The following DLG2 variants were observed in gnomAD, a reference collection of about 807,000 sequenced individuals.
DLG2 encodes disks large homolog 2.
In DLG2, 45 loss-of-function variants were observed where a neutral mutation model predicts 132.5. That is an observed-to-expected ratio of 0.34 (90% CI 0.27 to 0.44). The LOEUF (loss-of-function observed/expected upper bound fraction) is 0.44. DLG2 is among the 20% of genes least tolerant of loss of function. The pLI, the probability that DLG2 is intolerant of heterozygous loss-of-function variation, is 1.00. For synonymous variants in DLG2, 424 were observed against 419.6 expected (o/e 1.01, Z -0.13); for missense variants, 1,045 against 1,196.9 (o/e 0.87, Z 1.87).
At chr11:83,796,894 C>T (rs974952917) in intron 17 of DLG2, among the ~76,000 whole-genome samples, 3 of 152,040 alleles carry the variant, frequency 2.0e-5, no homozygotes, top group Non-Finnish European at 2.9e-5. Context: ...AAATGCTGGG[C>T]GGTAAGTGCT....
intron 3 of DLG2, among the ~76,000 whole-genome samples, chr11:85,554,100 C>A (rs979293539): frequency 6.7e-6 from 1 of 150,232 alleles, no homozygotes; most frequent in East Asian, 1.9e-4. Flanking sequence ...GATCTCAACT[C>A]AAGAAGTTTT....
intron 3 of DLG2, among the ~76,000 whole-genome samples, chr11:85,390,828 T>C (rs1057041592): frequency 1.3e-5 from 2 of 151,738 alleles, no homozygotes; most frequent in African/African-American, 4.8e-5. Flanking sequence ...AATGCCTATA[T>C]CAAAAAGTGT....
In DLG2 at chr11:85,175,160, CA is replaced by C. The variant is rs1271142881; in HGVS notation, c.187-20510del. Among the ~76,000 whole-genome samples, 3 of 151,864 alleles carry C rather than the reference CA, an allele frequency of 2.0e-5. No individual in the cohort carries two copies. The East Asian group carries it at 5.8e-4, about 29-fold the overall frequency. On this transcript the variant is annotated intron_variant, in intron 4 of 27. Transcript: ENST00000376104. ...ATGCCAAAACCTGATGGAGATACAA[CA>C]AAAAAAGAAAACTTCAGGCCAATAT... is the stretch of plus-strand genomic sequence containing the variant.
intron 19 of DLG2, among the ~76,000 whole-genome samples, chr11:83,564,962 AG>A (rs1416582304): frequency 6.6e-6 from 1 of 152,174 alleles, no homozygotes; most frequent in Non-Finnish European, 1.5e-5. Flanking sequence ...TAATCCAAAC[AG>A]TTTACATAAC....
chr11:84,012,960 A>T (rs752536624), intron 11 of DLG2, among the ~76,000 whole-genome samples: 1 of 151,298 alleles, frequency 6.6e-6, no homozygotes, highest in South Asian at 2.1e-4. Context: ...ACTTCTATCA[A>T]CAGGTCTCAG....
intron 3 of DLG2, among the ~76,000 whole-genome samples, chr11:85,475,572 T>C (rs943321350): frequency 1.3e-5 from 2 of 151,962 alleles, no homozygotes; most frequent in African/African-American, 4.8e-5. Flanking sequence ...ATCAACAGAG[T>C]AAAGAGAAAC....
chr11:83,514,419 G>C (rs1212435415), intron 21 of DLG2, among the ~76,000 whole-genome samples: 1 of 152,178 alleles, frequency 6.6e-6, no homozygotes, highest in East Asian at 1.9e-4. Context: ...TGAGCTTAAG[G>C]AGATTTTGGG....
intron 7 of DLG2, among the ~76,000 whole-genome samples, chr11:84,283,532 T>A (rs778763032): frequency 2.0e-5 from 3 of 152,198 alleles, no homozygotes; most frequent in Non-Finnish European, 2.9e-5. Context: ...TAAATTCACA[T>A]CTTTTGGTTA....
chr11:83,581,330 T>G (rs671321), intron 19 of DLG2, among the ~76,000 whole-genome samples: 72,411 of 151,914 alleles, frequency 0.48, 17,886 homozygotes, highest in Admixed American at 0.57. Flanking sequence ...GCCTTAAAAA[T>G]AATTATTCTT....
chr11:83,703,959 A>C (rs2083427914), intron 18 of DLG2, among the ~76,000 whole-genome samples: 1 of 152,212 alleles, frequency 6.6e-6, no homozygotes, highest in Non-Finnish European at 1.5e-5. Flanking sequence ...AAGTGCCCAC[A>C]AAACATTGTT....
At chr11:84,618,810 C>G (rs184170129) in intron 6 of DLG2, among the ~76,000 whole-genome samples, 1 of 152,062 alleles carries the variant, frequency 6.6e-6, no homozygotes, top group African/African-American at 2.4e-5. Flanking sequence ...GTAGAAACAA[C>G]AGATGTAGAC....
chr11:85,083,215 T>C (rs906246853), intron 6 of DLG2, among the ~76,000 whole-genome samples: 1 of 152,110 alleles, frequency 6.6e-6, no homozygotes, highest in African/African-American at 2.4e-5. Context: ...AAAGAAACCT[T>C]AGATCTCAAC....
chr11:85,496,995 A>G (rs986642377), intron 3 of DLG2, among the ~76,000 whole-genome samples: 1 of 152,174 alleles, frequency 6.6e-6, no homozygotes, highest in African/African-American at 2.4e-5. Context: ...AAGGCTGAAA[A>G]TTCCAAAAAC....
chr11:84,461,973 A>G (rs565634664), intron 7 of DLG2, among the ~76,000 whole-genome samples: 1 of 151,126 alleles, frequency 6.6e-6, no homozygotes, highest in South Asian at 2.1e-4. Flanking sequence ...TTCAGATGAT[A>G]GGAAAAGACA....
At chr11:83,644,104 T>C (rs760653880) in intron 18 of DLG2, among the ~76,000 whole-genome samples, 1 of 152,194 alleles carries the variant, frequency 6.6e-6, no homozygotes, top group Non-Finnish European at 1.5e-5. Flanking sequence ...AAATATCATT[T>C]TGAGATACGA....
intron 13 of DLG2, 22 bp from the exon 14 acceptor site, chr11:83,963,045 G>T: frequency 6.2e-7 from 1 of 1,610,550 alleles, no homozygotes; most frequent in South Asian, 1.1e-5. Context: ...GGGAAAAAGA[G>T]AAAAGAAACC....
At chr11:83,461,841 T>C in intron 27 of DLG2, 161 bp downstream of exon 27, 1 of 572,528 alleles carries the variant, frequency 1.7e-6, no homozygotes, top group South Asian at 2.3e-5. Context: ...TACATCAAAA[T>C]GGGTGAAGCA....
chr11:85,209,796 T>C (rs1245349268), intron 4 of DLG2, among the ~76,000 whole-genome samples: 1 of 151,998 alleles, frequency 6.6e-6, no homozygotes, highest in Non-Finnish European at 1.5e-5. Context: ...TTCTTTATAA[T>C]CTGACCTTCC....
intron 6 of DLG2, among the ~76,000 whole-genome samples, chr11:84,598,673 C>A (rs780692837): frequency 2.0e-5 from 3 of 147,428 alleles, no homozygotes; most frequent in Non-Finnish European, 4.5e-5. Context: ...TGCCTGTAAT[C>A]CCAGCACTCT....
Sources: gnomAD v4.1 joint callset for allele counts (sites outside exome capture counted in the v4.1 genomes callset) on GRCh38, gnomAD v4.1.1 for gene constraint, MANE v1.5 for transcripts, NCBI Gene and HGNC (gene_info 2026-07-23, HGNC 2026-07-21) for gene names.